The following OCM variants were observed in gnomAD, a reference collection of about 807,000 sequenced individuals.
The protein encoded by OCM is oncomodulin, also known as oncomodulin-1.
In OCM, 18 loss-of-function variants were observed where a neutral mutation model predicts 14.1. That is an observed-to-expected ratio of 1.28 (90% CI 0.88 to 1.89). The LOEUF (loss-of-function observed/expected upper bound fraction) is 1.89. Ranked by LOEUF, OCM falls within the 40% of genes most tolerant of loss-of-function variation. The probability of loss-of-function intolerance (pLI) is 0.00; values close to 1 mark genes in which losing one functional copy is unlikely to be tolerated. For synonymous variants in OCM, 48 were observed against 51.0 expected, an observed-to-expected ratio of 0.94 and a Z score of 0.25; for missense variants, 140 against 137.6, an observed-to-expected ratio of 1.02 and a Z score of -0.09.
the OCM span, among the ~76,000 whole-genome samples, chr7:5,860,538 ATT>A: frequency 3.8e-5 from 4 of 105,892 alleles, 1 homozygote; most frequent in Admixed American, 1.9e-4. Flanking sequence ...GTGTATATAT[ATT>A]ACGTATATAT....
chr7:5,880,328 A>G (rs1289090319), upstream of OCM, among the ~76,000 whole-genome samples: 1 of 149,810 alleles, frequency 6.7e-6, no homozygotes, highest in Non-Finnish European at 1.5e-5. Flanking sequence ...TCTTTGGGTC[A>G]TTTTTTTTTT....
the OCM span, among the ~76,000 whole-genome samples, chr7:5,868,666 A>G: frequency 2.0e-5 from 3 of 152,230 alleles, no homozygotes; most frequent in South Asian, 6.2e-4. Flanking sequence ...GAAATGATGT[A>G]GCTTCTGTCT....
the OCM span, among the ~76,000 whole-genome samples, chr7:5,868,152 A>ATTGTT: frequency 3.3e-5 from 5 of 151,562 alleles, no homozygotes; most frequent in East Asian, 1.9e-4. Flanking sequence ...TGTTGTCGCT[A>ATTGTT]TTGTTTTGTT....
At chr7:5,874,067 A>T in the OCM span, among the ~76,000 whole-genome samples, 1 of 150,598 alleles carries the variant, frequency 6.6e-6, no homozygotes, top group Non-Finnish European at 1.5e-5. Flanking sequence ...AATAAAAAAA[A>T]AAAAAAATTA....
upstream of OCM, among the ~76,000 whole-genome samples, chr7:5,875,851 C>T (rs6961912): frequency 0.77 from 114,524 of 149,070 alleles, 44,775 homozygotes; most frequent in African/African-American, 0.94. Context: ...TTTTTTTTTT[C>T]CTGAGACAAG....
chr7:5,874,349 G>A, the OCM span, among the ~76,000 whole-genome samples: 1 of 149,804 alleles, frequency 6.7e-6, no homozygotes, highest in African/African-American at 2.5e-5. Flanking sequence ...TTTAAAAATG[G>A]TTAATATATA....
At chr7:5,868,846 T>C in the OCM span, among the ~76,000 whole-genome samples, 4 of 151,982 alleles carry the variant, frequency 2.6e-5, no homozygotes, top group Non-Finnish European at 4.4e-5. Context: ...GTGGATCACC[T>C]GAGGTCAGGA....
upstream of OCM, among the ~76,000 whole-genome samples, chr7:5,879,202 A>C (rs1781158779): frequency 6.6e-6 from 1 of 152,168 alleles, no homozygotes; most frequent in Admixed American, 6.6e-5. Context: ...CCCTGTCACA[A>C]CAGAAACAAA....
At chr7:5,877,338 T>C (rs1314901664), upstream of OCM, among the ~76,000 whole-genome samples, 2 of 151,168 alleles carry the variant, frequency 1.3e-5, no homozygotes, top group African/African-American at 4.9e-5. Context: ...TGTGGTGGTG[T>C]GTGCCTATAG....
At position 5,882,544 on chromosome 7, in the gene OCM, A is replaced by G. The variant is rs748556037; in HGVS notation, c.113A>G (p.Lys38Arg). 28 of 1,614,032 alleles carry G rather than the reference A, an allele frequency of 1.7e-5. No homozygotes were observed. Among genetic ancestry groups the G allele is most frequent in the Non-Finnish European group, 2.2e-5 (26 of 1,180,038 alleles). Residue 38 changes from lysine to arginine, a missense_variant, in exon 2 of 4, where the codon AAG (lysine) becomes AGG (arginine). Coordinates refer to ENST00000242104, the MANE Select transcript of OCM (RefSeq NM_001097622.2). ...QKFFQTSGLS[K>R]MSANQVKDVF... ...TTCTTCCAGACATCAGGCCTCTCCA[A>G]GATGTCAGCCAATCAGGTGAAGGAT...
intron 3 of OCM, among the ~76,000 whole-genome samples, chr7:5,885,496 C>G (rs906063930): frequency 5.3e-5 from 8 of 152,036 alleles, no homozygotes; most frequent in African/African-American, 1.9e-4. Flanking sequence ...ATTCAAAGAC[C>G]TCTATTGCAA....
chr7:5,867,257 C>T, the OCM span, among the ~76,000 whole-genome samples: 6 of 152,052 alleles, frequency 3.9e-5, no homozygotes, highest in East Asian at 5.8e-4. Context: ...TCAGGAGGAT[C>T]GCTTGGGCCC....
chr7:5,866,275 A>T, the OCM span, among the ~76,000 whole-genome samples: 1 of 148,454 alleles, frequency 6.7e-6, no homozygotes, highest in Non-Finnish European at 1.5e-5. Flanking sequence ...ACACTGAGCT[A>T]TGAGTGTGCC....
chr7:5,881,052 C>G (rs537243299), intron 1 of OCM, 102 bp downstream of exon 1: 2 of 1,171,840 alleles, frequency 1.7e-6, no homozygotes, highest in South Asian at 2.5e-5. Context: ...GACGCAGTGG[C>G]TCACACCTGT....
Position 5,883,846 on chromosome 7 carries a change from C to G in OCM, c.195-44C>G, listed in dbSNP as rs188694950. 260 of 1,611,194 alleles carry G rather than the reference C, an allele frequency of 1.6e-4. 1 individual carries two copies. The African/African-American group carries it at 3.2e-3, about 20-fold the overall frequency. The stretch of plus-strand genomic sequence containing the variant: ...AAACAAAAGTGTAAACACAGAGATG[C>G]ATGATCTTTTTGAAAATCCCCATGG... On this transcript the variant is annotated intron_variant, in intron 2 of 3. Coordinates refer to ENST00000242104, the MANE Select transcript of OCM (RefSeq NM_001097622.2).
chr7:5,869,352 C>G, the OCM span, among the ~76,000 whole-genome samples: 2 of 152,186 alleles, frequency 1.3e-5, no homozygotes, highest in African/African-American at 4.8e-5. Context: ...AATCCCAGCA[C>G]TTTGGGAGGC....
upstream of OCM, among the ~76,000 whole-genome samples, chr7:5,876,650 G>C (rs1052120989): frequency 5.9e-5 from 9 of 152,178 alleles, no homozygotes; most frequent in Admixed American, 1.3e-4. Flanking sequence ...ATTTAAGAGA[G>C]GCTGCAGGTA....
chr7:5,860,811 CACAT>C, the OCM span, among the ~76,000 whole-genome samples: 27 of 125,810 alleles, frequency 2.1e-4, 2 homozygotes, highest in Admixed American at 4.2e-4. Flanking sequence ...CACACATACA[CACAT>C]ACATATATAT....
chr7:5,884,433 A>G (rs1361142204), intron 3 of OCM, among the ~76,000 whole-genome samples: 1 of 152,230 alleles, frequency 6.6e-6, no homozygotes, highest in African/African-American at 2.4e-5. Context: ...TTCGTCTTCA[A>G]GGGTTTAGAC....
Sources: allele counts gnomAD v4.1 joint callset (sites outside exome capture counted in the v4.1 genomes callset), GRCh38; gene constraint gnomAD v4.1.1; transcripts MANE v1.5; gene names NCBI Gene and HGNC (gene_info 2026-07-23, HGNC 2026-07-21).